Variants in GRIA2 observed in about 807,000 individuals in gnomAD.
GRIA2 encodes glutamate ionotropic receptor AMPA type subunit 2.
In GRIA2, 14 loss-of-function variants were observed where a neutral mutation model predicts 97.3. That is an observed-to-expected ratio of 0.14 (90% CI 0.10 to 0.23). The LOEUF is 0.23. Among genes scored for constraint, GRIA2 ranks in the 10% least tolerant of loss-of-function variants. The pLI is 1.00. For missense variants in GRIA2, 558 were observed against 1,069.8 expected (o/e 0.52, Z 6.67); for synonymous variants, 412 against 387.8 (o/e 1.06, Z -0.73).
chr4:157,356,458 C>T (rs1435640001), intron 12 of GRIA2, among the ~76,000 whole-genome samples: 3 of 151,800 alleles, frequency 2.0e-5, no homozygotes, highest in Non-Finnish European at 2.9e-5. Context: ...GTGTGTATGG[C>T]TTGCCTGTGT....
chr4:157,360,965 A>G, intron 13 of GRIA2, 45 bp from the exon 14 acceptor site: 4 of 1,373,442 alleles, frequency 2.9e-6, no homozygotes, highest in Non-Finnish European at 4.1e-6. Context: ...CAAAAAGTCT[A>G]AAATTTGCTC....
intron 2 of GRIA2, among the ~76,000 whole-genome samples, chr4:157,292,324 T>C (rs1245979392): frequency 6.6e-6 from 1 of 152,022 alleles, no homozygotes; most frequent in Non-Finnish European, 1.5e-5. Context: ...ATTAAAAGCA[T>C]TGGGAAATTG....
chr4:157,257,682 C>T (rs566613170), intron 2 of GRIA2, among the ~76,000 whole-genome samples: 1 of 152,080 alleles, frequency 6.6e-6, no homozygotes, highest in South Asian at 2.1e-4. Context: ...ATTTTTATGG[C>T]AACCAACTAA....
Position 157,333,921 on chromosome 4 carries a change from A to T in GRIA2, c.1156-89A>T, listed in dbSNP as rs1579371701. ...GTCCAGTAAATGTGGTTCTAATTTC[A>T]GATTCAGACATGGCTTTGAAAATAA... On this transcript the variant is annotated intron_variant, in intron 8 of 15. Coordinates refer to ENST00000264426, the MANE Select transcript of GRIA2 (RefSeq NM_001083619.3). The T allele has an allele frequency of 4.3e-6, 3 of 693,122 alleles. No individual in the cohort carries two copies. The East Asian group carries it at 7.5e-5, about 17-fold the overall frequency. 42.9% of individuals were successfully genotyped at this position (693,122 alleles called of 1,614,324 possible).
At chr4:157,252,731 A>C (rs2126745516) in intron 2 of GRIA2, among the ~76,000 whole-genome samples, 1 of 152,250 alleles carries the variant, frequency 6.6e-6, no homozygotes, top group Non-Finnish European at 1.5e-5. Flanking sequence ...TTAATGGAAT[A>C]GAGTATAAAA....
intron 2 of GRIA2, among the ~76,000 whole-genome samples, chr4:157,248,226 A>G (rs758374724): frequency 6.5e-4 from 99 of 151,584 alleles, no homozygotes; most frequent in Admixed American, 1.4e-3. Context: ...TTAAAATTGT[A>G]TATTAAAAAC....
In GRIA2 at chr4:157,226,894, A is replaced by G. The variant is rs572780130; in HGVS notation, c.229+5087A>G. 5.6e-4 allele frequency among the ~76,000 whole-genome samples: 85 copies of G among 152,278 alleles called. No homozygotes were observed. In the South Asian group the frequency reaches 0.016, roughly 29 times the overall value. ...GTAAAAGCTGGTGTTGTAAATATTC[A>G]GTTATATTCAATTGCAGATTTTGAG... On this transcript the variant is annotated intron_variant, in intron 2 of 15. Coordinates refer to ENST00000264426, the MANE Select transcript of GRIA2 (RefSeq NM_001083619.3).
chr4:157,325,839 A>G (rs532390831), intron 6 of GRIA2, among the ~76,000 whole-genome samples: 1 of 152,160 alleles, frequency 6.6e-6, no homozygotes, highest in African/African-American at 2.4e-5. Flanking sequence ...AGCTACCACC[A>G]TAGGATTATT....
chr4:157,308,370 T>C (rs558008051), intron 3 of GRIA2, among the ~76,000 whole-genome samples: 1 of 152,238 alleles, frequency 6.6e-6, no homozygotes, highest in Non-Finnish European at 1.5e-5. Context: ...AATCTAGCCA[T>C]TTTTTATTTT....
intron 6 of GRIA2, among the ~76,000 whole-genome samples, chr4:157,322,754 AG>A (rs1324656785): frequency 6.6e-6 from 1 of 152,194 alleles, no homozygotes; most frequent in African/African-American, 2.4e-5. Flanking sequence ...TGAATTATAA[AG>A]CAATTGTATA....
intron 2 of GRIA2, among the ~76,000 whole-genome samples, chr4:157,265,709 T>C (rs1731740497): frequency 6.6e-6 from 1 of 152,106 alleles, no homozygotes; most frequent in African/African-American, 2.4e-5. Context: ...ACAGCCGGAA[T>C]ACGGAAAGCA....
intron 2 of GRIA2, among the ~76,000 whole-genome samples, chr4:157,269,117 G>GT (rs1731902225): frequency 6.6e-6 from 1 of 151,928 alleles, no homozygotes; most frequent in African/African-American, 2.4e-5. Context: ...TGGGACAGTT[G>GT]TTTTTTATAC....
rs41280505 is a variant in GRIA2 at position 157,221,623 on chromosome 4, G to A, written c.89-44G>A. ...AGCGCGCGCCCCTCCTTTCCCTCCCGGGGCACTGACACTGTTCTCTTGCTT... is the reference window on the plus strand; with the variant it reads ...AGCGCGCGCCCCTCCTTTCCCTCCCAGGGCACTGACACTGTTCTCTTGCTT... On this transcript the variant is annotated intron_variant, in intron 1 of 15. Transcript: ENST00000264426. The A allele has an allele frequency of 0.013, 21,195 of 1,598,274 alleles. 171 individuals carry two copies. Among genetic ancestry groups the A allele is most frequent in the Non-Finnish European group, 0.016 (18,795 of 1,170,334 alleles).
intron 2 of GRIA2, among the ~76,000 whole-genome samples, chr4:157,262,306 G>A (rs1012982905): frequency 5.3e-5 from 8 of 151,984 alleles, no homozygotes; most frequent in African/African-American, 1.2e-4. Flanking sequence ...GGGGAGTCAA[G>A]CATTAGGCTA....
intron 2 of GRIA2, among the ~76,000 whole-genome samples, chr4:157,274,802 A>C (rs1226121354): frequency 6.6e-6 from 1 of 151,814 alleles, no homozygotes; most frequent in African/African-American, 2.4e-5. Context: ...AGTCTTTGCT[A>C]TTGTGAATAG....
chr4:157,309,938 G>A (rs1734005695), intron 3 of GRIA2, among the ~76,000 whole-genome samples: 1 of 152,132 alleles, frequency 6.6e-6, no homozygotes, highest in Non-Finnish European at 1.5e-5. Flanking sequence ...CCCATCCATG[G>A]ATATAATGTC....
chr4:157,261,066 C>A (rs1731508532), intron 2 of GRIA2, among the ~76,000 whole-genome samples: 1 of 152,044 alleles, frequency 6.6e-6, no homozygotes, highest in South Asian at 2.1e-4. Context: ...GCTCTAAAGG[C>A]ATGCCTGAGA....
At chr4:157,259,409 G>T (rs548472218) in intron 2 of GRIA2, among the ~76,000 whole-genome samples, 1 of 152,140 alleles carries the variant, frequency 6.6e-6, no homozygotes, top group Non-Finnish European at 1.5e-5. Flanking sequence ...ACTTTCTTTA[G>T]CTATGAAAGT....
At chr4:157,225,605 CT>C (rs1002293248) in intron 2 of GRIA2, among the ~76,000 whole-genome samples, 4 of 141,190 alleles carry the variant, frequency 2.8e-5, no homozygotes, top group Non-Finnish European at 6.1e-5. Context: ...TAAATGACTG[CT>C]TTTTTTCATG....
Sources: gnomAD v4.1 joint callset for allele counts (sites outside exome capture counted in the v4.1 genomes callset) on GRCh38, gnomAD v4.1.1 for gene constraint, MANE v1.5 for transcripts, NCBI Gene and HGNC (gene_info 2026-07-23, HGNC 2026-07-21) for gene names.